PLCB1: variants seen among roughly 807,000 people sequenced by gnomAD.
PLCB1 encodes 1-phosphatidylinositol 4,5-bisphosphate phosphodiesterase beta-1.
In PLCB1, 46 loss-of-function variants were observed where a neutral mutation model predicts 161.8. The ratio of observed to expected loss-of-function variants is 0.28; its 90% CI spans 0.22 to 0.36. PLCB1 has a LOEUF of 0.36. Ranked by LOEUF, PLCB1 falls within the 10% of genes least tolerant of loss-of-function variation. The probability of loss-of-function intolerance (pLI) is 1.00; values close to 1 mark genes in which losing one functional copy is unlikely to be tolerated. For synonymous variants in PLCB1, 517 were observed against 503.7 expected, an observed-to-expected ratio of 1.03 and a Z score of -0.35; for missense variants, 1,016 against 1,472.5, an observed-to-expected ratio of 0.69 and a Z score of 5.07.
At chr20:8,195,248 A>G (rs2052009097) in intron 2 of PLCB1, among the ~76,000 whole-genome samples, 1 of 152,072 alleles carries the variant, frequency 6.6e-6, no homozygotes, top group Admixed American at 6.6e-5. Flanking sequence ...CTCAGAAGAT[A>G]TAGCAGTTTG....
At chr20:8,487,114 G>T (rs1403545559) in intron 3 of PLCB1, among the ~76,000 whole-genome samples, 1 of 152,182 alleles carries the variant, frequency 6.6e-6, no homozygotes, top group Non-Finnish European at 1.5e-5. Context: ...GTGTGAGTTT[G>T]TGTGTATATG....
intron 31 of PLCB1, among the ~76,000 whole-genome samples, chr20:8,808,298 G>T (rs1055311260): frequency 6.6e-6 from 1 of 152,142 alleles, no homozygotes; most frequent in Non-Finnish European, 1.5e-5. Flanking sequence ...TCTCCTCTGG[G>T]TTTGCAGACA....
chr20:8,678,850 T>A (rs757854670), intron 9 of PLCB1, among the ~76,000 whole-genome samples: 1 of 152,164 alleles, frequency 6.6e-6, no homozygotes, highest in Non-Finnish European at 1.5e-5. Flanking sequence ...GTCCTGAAAT[T>A]TACATCCCCA....
intron 4 of PLCB1, among the ~76,000 whole-genome samples, chr20:8,638,042 C>G (rs1988819277): frequency 6.6e-6 from 1 of 152,154 alleles, no homozygotes; most frequent in South Asian, 2.1e-4. Flanking sequence ...ACTACAGGCA[C>G]CCGCCACCAT....
intron 4 of PLCB1, among the ~76,000 whole-genome samples, chr20:8,635,321 G>A (rs537865454): frequency 1.3e-5 from 2 of 152,220 alleles, no homozygotes; most frequent in African/African-American, 4.8e-5. Flanking sequence ...AAAAGGAAAA[G>A]GGGAGGCTTT....
intron 7 of PLCB1, chr20:8,653,012 G>T (rs1989361081): frequency 6.6e-6 from 1 of 151,998 alleles, no homozygotes; most frequent in Non-Finnish European, 1.5e-5. Context: ...AACTTTCTGA[G>T]AACTGAAAAT....
chr20:8,691,334 T>A (rs1352382488), intron 10 of PLCB1, among the ~76,000 whole-genome samples: 1 of 152,170 alleles, frequency 6.6e-6, no homozygotes, highest in African/African-American at 2.4e-5. Context: ...ATTTAGTTTT[T>A]ATACTTTACA....
chr20:8,650,274 A>G (rs914657940), intron 7 of PLCB1, among the ~76,000 whole-genome samples: 7 of 152,152 alleles, frequency 4.6e-5, no homozygotes, highest in Admixed American at 6.5e-5. Context: ...CAGCTAAAAC[A>G]GGGGGAGCGG....
intron 3 of PLCB1, among the ~76,000 whole-genome samples, chr20:8,584,701 T>C (rs560480965): frequency 0.014 from 2,066 of 152,174 alleles, 26 homozygotes; most frequent in Non-Finnish European, 0.02. Flanking sequence ...AGATTCTCTT[T>C]TTTTTTTGAG....
At chr20:8,780,873 T>C (rs1341107244) in intron 27 of PLCB1, among the ~76,000 whole-genome samples, 1 of 152,120 alleles carries the variant, frequency 6.6e-6, no homozygotes, top group South Asian at 2.1e-4. Flanking sequence ...CTCATGAAAC[T>C]GTAAGGAGGA....
intron 1 of PLCB1, among the ~76,000 whole-genome samples, chr20:8,143,074 C>A (rs1419897681): frequency 6.6e-6 from 1 of 152,164 alleles, no homozygotes; most frequent in Non-Finnish European, 1.5e-5. Flanking sequence ...TTGAAGCTTT[C>A]CTAAGAACAT....
At chr20:8,520,788 T>A (rs1049994517) in intron 3 of PLCB1, among the ~76,000 whole-genome samples, 2 of 152,188 alleles carry the variant, frequency 1.3e-5, no homozygotes, top group African/African-American at 4.8e-5. Flanking sequence ...CTTCTTTTAC[T>A]CAAAATCTGT....
At chr20:8,150,407 G>T (rs913158400) in intron 2 of PLCB1, 36 bp downstream of exon 2, 1 of 930,846 alleles carries the variant, frequency 1.1e-6, no homozygotes. Flanking sequence ...ACATTTTTCA[G>T]TCGTTTACTA....
intron 31 of PLCB1, among the ~76,000 whole-genome samples, chr20:8,855,718 A>G (rs1987044798): frequency 6.6e-6 from 1 of 152,204 alleles, no homozygotes; most frequent in South Asian, 2.1e-4. Context: ...AATCTGCTTC[A>G]ACCATAAACC....
intron 4 of PLCB1, among the ~76,000 whole-genome samples, chr20:8,642,828 C>A (rs950671974): frequency 6.6e-5 from 10 of 152,140 alleles, no homozygotes; most frequent in Non-Finnish European, 4.4e-5. Context: ...GGTAAACATA[C>A]AAAACTGTAT....
At chr20:8,494,253 C>G (rs2122785909) in intron 3 of PLCB1, among the ~76,000 whole-genome samples, 1 of 152,308 alleles carries the variant, frequency 6.6e-6, no homozygotes, top group South Asian at 2.1e-4. Context: ...TGACTTTCCT[C>G]CCGCTTTTGA....
At chr20:8,391,824 T>TATATATATAC (rs1157204782) in intron 3 of PLCB1, among the ~76,000 whole-genome samples, 3 of 115,412 alleles carry the variant, frequency 2.6e-5, no homozygotes, top group African/African-American at 6.4e-5. Flanking sequence ...TATATATATA[T>TATATATATAC]ACACACACAT....
Position 8,733,403 on chromosome 20 carries a change from C to T in PLCB1, c.2043+11C>T. ...ACTTTGTCTGTTAAGGTAGGTATACCCCATCACAAAATTGTTCCTAACAAT... is the reference window on the plus strand; with the variant it reads ...ACTTTGTCTGTTAAGGTAGGTATACTCCATCACAAAATTGTTCCTAACAAT... On this transcript the variant is annotated intron_variant, in intron 19 of 31. Transcript: ENST00000338037. 1 of 1,610,616 alleles carries T rather than the reference C, an allele frequency of 6.2e-7. No individual in the cohort carries two copies. Among genetic ancestry groups the T allele is most frequent in the Non-Finnish European group, 8.5e-7 (1 of 1,177,292 alleles).
At chr20:8,546,855 T>G (rs1240245557) in intron 3 of PLCB1, among the ~76,000 whole-genome samples, 5 of 152,172 alleles carry the variant, frequency 3.3e-5, no homozygotes, top group African/African-American at 1.2e-4. Flanking sequence ...TCATAATAAA[T>G]GAGTTCTTTT....
Sources: gnomAD v4.1 joint callset for allele counts (sites outside exome capture counted in the v4.1 genomes callset) on GRCh38, gnomAD v4.1.1 for gene constraint, MANE v1.5 for transcripts, NCBI Gene and HGNC (gene_info 2026-07-23, HGNC 2026-07-21) for gene names.